ADGRV1: variants seen among roughly 807,000 people sequenced by gnomAD.
ADGRV1 encodes adhesion G protein-coupled receptor V1, also known as G-protein coupled receptor 98.
ADGRV1 carries 359 observed loss-of-function variants against 596.2 expected under a neutral mutation model. That is an observed-to-expected ratio of 0.60 (90% CI 0.55 to 0.66). The LOEUF (loss-of-function observed/expected upper bound fraction) is 0.66. Among genes scored for constraint, ADGRV1 ranks in the 30% least tolerant of loss-of-function variants. ADGRV1 has a pLI of 0.00. For synonymous variants in ADGRV1, 2,681 were observed against 2,679.2 expected, an observed-to-expected ratio of 1.00 and a Z score of -0.02; for missense variants, 7,274 against 7,575.6, an observed-to-expected ratio of 0.96 and a Z score of 1.48.
intron 83 of ADGRV1, among the ~76,000 whole-genome samples, chr5:90,886,129 G>A (rs60873835): frequency 0.24 from 36,412 of 152,048 alleles, 5,536 homozygotes; most frequent in East Asian, 0.49. Context: ...GCAACCTATC[G>A]TTCTGGAGGC....
At chr5:90,938,943 A>G (rs1464030108) in intron 83 of ADGRV1, among the ~76,000 whole-genome samples, 3 of 152,176 alleles carry the variant, frequency 2.0e-5, no homozygotes, top group African/African-American at 7.2e-5. Context: ...AATCCTAACC[A>G]CATACATATA....
At chr5:90,976,711 G>A (rs978406307) in intron 84 of ADGRV1, among the ~76,000 whole-genome samples, 7 of 151,960 alleles carry the variant, frequency 4.6e-5, no homozygotes, top group African/African-American at 1.7e-4. Context: ...AATGATTTTT[G>A]CCTGTATATT....
rs757278914 is a variant in ADGRV1 at position 90,637,761 on chromosome 5, C to G, written c.2053C>G (p.Gln685Glu). ...IPLHRDGTDG[Q>E]ATVYWSLKPS... ...CTTACATCGGGATGGAACTGATGGC[C>G]AGGCTACTGTCTACTGGAGTTTGAA... Residue 685 changes from glutamine to glutamate, a missense_variant, in exon 11 of 90, where the codon CAG becomes GAG. Physicochemically the swap from Gln to Glu is conservative, Grantham distance 29. Transcript: ENST00000405460. 3.1e-6 allele frequency: 5 copies of G among 1,613,018 alleles called. No individual in the cohort carries two copies. The highest frequency in any genetic ancestry group is 4.2e-6 in the Non-Finnish European group (5 of 1,179,494).
At chr5:91,163,744 T>C (rs770156265) in intron 89 of ADGRV1, 38 bp from the exon 90 acceptor site, 1 of 827,844 alleles carries the variant, frequency 1.2e-6, no homozygotes, top group Non-Finnish European at 2.0e-6. Flanking sequence ...ACTGCACTAA[T>C]AGTTTGGATT....
intron 1 of ADGRV1, among the ~76,000 whole-genome samples, chr5:90,601,733 CT>C (rs1761433378): frequency 6.6e-6 from 1 of 152,198 alleles, no homozygotes; most frequent in Non-Finnish European, 1.5e-5. Flanking sequence ...CTAGGCTCTG[CT>C]GCATTTTTTT....
intron 84 of ADGRV1, among the ~76,000 whole-genome samples, chr5:90,975,604 T>C (rs1779492622): frequency 1.3e-5 from 2 of 151,942 alleles, no homozygotes; most frequent in East Asian, 3.9e-4. Context: ...GTCACAAGGA[T>C]GAAAAACCAA....
At chr5:91,110,138 A>G (rs1306326581) in intron 87 of ADGRV1, among the ~76,000 whole-genome samples, 1 of 152,170 alleles carries the variant, frequency 6.6e-6, no homozygotes, top group African/African-American at 2.4e-5. Context: ...TTTTAAAAAA[A>G]TTGAGTTGAG....
intron 21 of ADGRV1, among the ~76,000 whole-genome samples, chr5:90,668,291 G>A (rs192728951): frequency 6.6e-6 from 1 of 152,300 alleles, no homozygotes; most frequent in East Asian, 1.9e-4. Context: ...CTCTGAGCCA[G>A]GTGCGGGGTA....
In ADGRV1 at chr5:90,705,669, C is replaced by T. The variant is rs7700557; in HGVS notation, c.8566+90C>T. The T allele has an allele frequency of 5.0e-3, 4,967 of 990,268 alleles. 155 individuals are homozygous for T. The African/African-American group carries it at 0.072, about 14-fold the overall frequency. The allele number at this position is 990,268 out of a possible 1,614,324, so 61.3% of individuals were successfully genotyped here. A position where few individuals can be genotyped will look rare whatever the true frequency, so the allele number is the denominator to read the frequency against. ...GATGAAAGCCATTGCTAAAATAAAT[C>T]GGGGACAGGAGAAAATTAATATTTC... is the stretch of plus-strand genomic sequence containing the variant. On this transcript the variant is annotated intron_variant, in intron 37 of 89. Transcript: ENST00000405460.
chr5:90,861,826 T>G (rs1320883137), intron 82 of ADGRV1, among the ~76,000 whole-genome samples: 1 of 152,184 alleles, frequency 6.6e-6, no homozygotes, highest in Non-Finnish European at 1.5e-5. Context: ...ATAATTGAAA[T>G]AATTGTTTCT....
At chr5:90,928,634 T>G (rs1774800254) in intron 83 of ADGRV1, among the ~76,000 whole-genome samples, 1 of 150,766 alleles carries the variant, frequency 6.6e-6, no homozygotes, top group African/African-American at 2.4e-5. Flanking sequence ...TCTCAGCTCG[T>G]GAAAGTCATT....
chr5:90,989,048 C>A (rs1477363005), intron 85 of ADGRV1, among the ~76,000 whole-genome samples: 1 of 151,972 alleles, frequency 6.6e-6, no homozygotes, highest in Non-Finnish European at 1.5e-5. Context: ...CATTGTTGGA[C>A]ATTTGGGTTG....
intron 86 of ADGRV1, among the ~76,000 whole-genome samples, chr5:91,076,598 T>C (rs1419638566): frequency 6.6e-6 from 1 of 152,152 alleles, no homozygotes; most frequent in Non-Finnish European, 1.5e-5. Context: ...GAAACTGTAA[T>C]ATTATCAAAG....
At chr5:90,671,948 A>G (rs1024324734) in intron 21 of ADGRV1, among the ~76,000 whole-genome samples, 3 of 152,232 alleles carry the variant, frequency 2.0e-5, no homozygotes, top group African/African-American at 7.2e-5. Context: ...TAAGCATGGT[A>G]TAAGATGCCC....
chr5:90,824,532 A>G (rs1763905058), intron 76 of ADGRV1, among the ~76,000 whole-genome samples: 2 of 152,214 alleles, frequency 1.3e-5, no homozygotes, highest in African/African-American at 2.4e-5. Flanking sequence ...GTAGTTTAGC[A>G]TATCACATCA....
At chr5:90,721,556 T>TA (rs1239104081) in intron 45 of ADGRV1, among the ~76,000 whole-genome samples, 6 of 21,146 alleles carry the variant, frequency 2.8e-4, no homozygotes, top group African/African-American at 1.9e-3. Context: ...TAAAATAAAA[T>TA]AAAATAAAAT....
At position 90,960,093 on chromosome 5, in the gene ADGRV1, C is replaced by CAT. The variant is rs1562002194; in HGVS notation, c.17857-5322_17857-5321insAT. Among the ~76,000 whole-genome samples, 9 of 149,650 alleles carry CAT rather than the reference C, an allele frequency of 6.0e-5. No homozygotes were observed. In the East Asian group the frequency reaches 1.8e-3, roughly 29 times the overall value. On this transcript the variant is annotated intron_variant, in intron 83 of 89. Coordinates refer to ENST00000405460, the MANE Select transcript of ADGRV1 (RefSeq NM_032119.4). ...GGTGGAGCTTGCAGTGAGCCGAGATCGCGCCACTGCACTCCAGCCTGGGTG... is the reference window on the plus strand; with the variant it reads ...GGTGGAGCTTGCAGTGAGCCGAGATCATGCGCCACTGCACTCCAGCCTGGGTG...
intron 79 of ADGRV1, among the ~76,000 whole-genome samples, chr5:90,850,132 GA>G (rs1766330127): frequency 2.0e-5 from 3 of 152,164 alleles, no homozygotes; most frequent in Admixed American, 2.0e-4. Flanking sequence ...CCTGTGGTCA[GA>G]ATAGATTGTA....
intron 87 of ADGRV1, among the ~76,000 whole-genome samples, chr5:91,142,249 C>T (rs1795157958): frequency 6.6e-6 from 1 of 152,044 alleles, no homozygotes; most frequent in Non-Finnish European, 1.5e-5. Context: ...TAAGCTCCTC[C>T]TGCATGCCAG....
Sources: gnomAD v4.1 joint callset for allele counts (sites outside exome capture counted in the v4.1 genomes callset) on GRCh38, gnomAD v4.1.1 for gene constraint, MANE v1.5 for transcripts, NCBI Gene and HGNC (gene_info 2026-07-23, HGNC 2026-07-21) for gene names.